KIF13B: variants seen among roughly 807,000 people sequenced by gnomAD.
KIF13B encodes the protein kinesin family member 13B.
Under a neutral mutation model 222.0 loss-of-function variants are expected in KIF13B, and 127 were observed. The ratio of observed to expected loss-of-function variants is 0.57; its 90% CI spans 0.50 to 0.66. The LOEUF (loss-of-function observed/expected upper bound fraction) is 0.66. Ranked by LOEUF, KIF13B falls within the 30% of genes least tolerant of loss-of-function variation. KIF13B has a pLI of 0.00. For missense variants in KIF13B, 2,173 were observed against 2,379.0 expected, an observed-to-expected ratio of 0.91 and a Z score of 1.80; for synonymous variants, 976 against 919.0, an observed-to-expected ratio of 1.06 and a Z score of -1.12.
chr8:29,228,832 C>T (rs1210768756), intron 2 of KIF13B, among the ~76,000 whole-genome samples: 3 of 152,038 alleles, frequency 2.0e-5, no homozygotes, highest in Non-Finnish European at 4.4e-5. Context: ...CAGGCTCTCA[C>T]CTAACTCTAA....
rs533770304 is a variant in KIF13B at position 29,214,159 on chromosome 8, A to G, written c.150-17960T>C. Among the ~76,000 whole-genome samples the G allele has an allele frequency of 2.6e-4, 40 of 152,266 alleles. 1 individual carries two copies. In the South Asian group the frequency reaches 8.1e-3, roughly 31 times the overall value. On this transcript the variant is annotated intron_variant, in intron 2 of 39. Transcript: ENST00000524189. ...ATACACTACTGTAGACTTCATTAAC[A>G]CTGTGCACTTAGGCTACGCTAAATT...
At chr8:29,104,972 T>C (rs1808983755) in intron 35 of KIF13B, among the ~76,000 whole-genome samples, 1 of 132,614 alleles carries the variant, frequency 7.5e-6, no homozygotes, top group African/African-American at 3.4e-5. Flanking sequence ...TTTTTTTTCC[T>C]TTTTTTTTTT....
At chr8:29,224,937 G>T (rs934966306) in intron 2 of KIF13B, among the ~76,000 whole-genome samples, 1 of 152,226 alleles carries the variant, frequency 6.6e-6, no homozygotes, top group Non-Finnish European at 1.5e-5. Context: ...AAGCCATGAA[G>T]TGCAATGCAG....
intron 27 of KIF13B, 72 bp from the exon 28 acceptor site, chr8:29,123,564 C>T (rs1586809989): frequency 1.3e-6 from 2 of 1,571,170 alleles, no homozygotes; most frequent in East Asian, 4.5e-5. Context: ...TGAGTAAAGA[C>T]TGGATTTGCC....
At chr8:29,256,906 C>T (rs1383965685) in intron 1 of KIF13B, among the ~76,000 whole-genome samples, 1 of 152,130 alleles carries the variant, frequency 6.6e-6, no homozygotes, top group Non-Finnish European at 1.5e-5. Flanking sequence ...AGGCACTCAC[C>T]ACCACACCCA....
At chr8:29,185,233 G>C (rs1364837553) in intron 6 of KIF13B, among the ~76,000 whole-genome samples, 1 of 152,140 alleles carries the variant, frequency 6.6e-6, no homozygotes, top group Non-Finnish European at 1.5e-5. Flanking sequence ...CAACTTCCCA[G>C]TGGACCAACT....
chr8:29,143,489 A>C lies in KIF13B; in HGVS notation c.2188-1186T>G, dbSNP rs187346158. On this transcript the variant is annotated intron_variant, in intron 18 of 39. Coordinates refer to ENST00000524189, the MANE Select transcript of KIF13B (RefSeq NM_015254.4). The stretch of plus-strand genomic sequence containing the variant: ...TTTCTTATTAAGATCATACAGAACT[A>C]GATGGAAGCGGTGCTCACACCACAT... 2.2e-3 allele frequency among the ~76,000 whole-genome samples: 329 copies of C among 152,374 alleles called. 2 individuals are homozygous for C. Among genetic ancestry groups the C allele is most frequent in the African/African-American group, 6.8e-3 (283 of 41,592 alleles).
At chr8:29,232,229 C>T (rs772811754) in intron 2 of KIF13B, among the ~76,000 whole-genome samples, 5 of 151,784 alleles carry the variant, frequency 3.3e-5, no homozygotes, top group Non-Finnish European at 7.4e-5. Context: ...CTACATTCCA[C>T]TCCAGCCTGG....
At chr8:29,084,784 T>C (rs1807970030) in intron 37 of KIF13B, among the ~76,000 whole-genome samples, 1 of 152,380 alleles carries the variant, frequency 6.6e-6, no homozygotes, top group South Asian at 2.1e-4. Flanking sequence ...GGAAGTTCCT[T>C]CAATTATTTT....
At chr8:29,089,928 G>C (rs1253184396) in intron 37 of KIF13B, among the ~76,000 whole-genome samples, 1 of 151,200 alleles carries the variant, frequency 6.6e-6, no homozygotes, top group Non-Finnish European at 1.5e-5. Context: ...TGTAGTGCCT[G>C]CATGTATGGT....
At chr8:29,242,882 T>C (rs913729622) in intron 2 of KIF13B, among the ~76,000 whole-genome samples, 1 of 152,240 alleles carries the variant, frequency 6.6e-6, no homozygotes, top group Non-Finnish European at 1.5e-5. Context: ...TCAGAGGTCC[T>C]GCCTGTCTCC....
chr8:29,084,289 A>G (rs1282123948), intron 37 of KIF13B, among the ~76,000 whole-genome samples: 1 of 152,234 alleles, frequency 6.6e-6, no homozygotes, highest in Non-Finnish European at 1.5e-5. Context: ...TAATTCATTT[A>G]ATCAAAGAAG....
At chr8:29,079,808 C>CTT (rs1356991842) in intron 37 of KIF13B, among the ~76,000 whole-genome samples, 1 of 152,164 alleles carries the variant, frequency 6.6e-6, no homozygotes, top group Non-Finnish European at 1.5e-5. Context: ...ATACAATCCT[C>CTT]TAAGTCTTGT....
chr8:29,151,083 C>T (rs1421508784), intron 14 of KIF13B, among the ~76,000 whole-genome samples: 5 of 152,148 alleles, frequency 3.3e-5, no homozygotes, highest in African/African-American at 9.7e-5. Flanking sequence ...GCTTCTCCAG[C>T]GACTACATGA....
chr8:29,151,465 G>T (rs1372213779), intron 14 of KIF13B, among the ~76,000 whole-genome samples: 5 of 152,194 alleles, frequency 3.3e-5, no homozygotes, highest in Admixed American at 6.5e-5. Flanking sequence ...TCAATGCCTG[G>T]CTTCAAAGCT....
At chr8:29,088,554 C>T (rs1808149020) in intron 37 of KIF13B, among the ~76,000 whole-genome samples, 2 of 152,166 alleles carry the variant, frequency 1.3e-5, no homozygotes, top group African/African-American at 4.8e-5. Flanking sequence ...GAAGTCCAAA[C>T]TTCACATTCT....
At chr8:29,149,543 GC>G (rs375353284) in intron 15 of KIF13B, among the ~76,000 whole-genome samples, 1 of 152,202 alleles carries the variant, frequency 6.6e-6, no homozygotes, top group Non-Finnish European at 1.5e-5. Flanking sequence ...GTCTTTCTCA[GC>G]CCCCTTTGTA....
intron 2 of KIF13B, among the ~76,000 whole-genome samples, chr8:29,205,416 T>A (rs2130441055): frequency 6.6e-6 from 1 of 152,216 alleles, no homozygotes; most frequent in East Asian, 1.9e-4. Context: ...AAATTCCTCC[T>A]ATTAAGAGAA....
intron 31 of KIF13B, 63 bp downstream of exon 31, chr8:29,116,768 C>A: frequency 6.7e-7 from 1 of 1,484,886 alleles, no homozygotes; most frequent in South Asian, 1.3e-5. Context: ...ACAGCAAGCA[C>A]TGCACGGCCC....
Sources: allele counts gnomAD v4.1 joint callset (sites outside exome capture counted in the v4.1 genomes callset), GRCh38; gene constraint gnomAD v4.1.1; transcripts MANE v1.5; gene names NCBI Gene and HGNC (gene_info 2026-07-23, HGNC 2026-07-21).